MACROD2: variants seen among roughly 807,000 people sequenced by gnomAD.
MACROD2 encodes ADP-ribose glycohydrolase MACROD2.
In MACROD2, 36 loss-of-function variants were observed where a neutral mutation model predicts 70.4. The observed-to-expected ratio is 0.51, with a 90% CI of 0.39 to 0.68. The LOEUF is 0.68. Among genes scored for constraint, MACROD2 ranks in the 30% least tolerant of loss-of-function variants. The pLI is 0.00. For synonymous variants in MACROD2, 172 were observed against 178.8 expected (o/e 0.96, Z 0.30); for missense variants, 496 against 538.4 (o/e 0.92, Z 0.78).
intron 4 of MACROD2, among the ~76,000 whole-genome samples, chr20:14,651,350 C>T (rs1022047604): frequency 6.6e-6 from 1 of 152,102 alleles, no homozygotes; most frequent in African/African-American, 2.4e-5. Context: ...TTGGTGCCTC[C>T]ACAGCATTAG....
At chr20:15,988,189 T>C (rs1044079388) in intron 15 of MACROD2, among the ~76,000 whole-genome samples, 12 of 152,312 alleles carry the variant, frequency 7.9e-5, no homozygotes, top group East Asian at 7.7e-4. Context: ...ATGCCTCTAA[T>C]AAGCTTTTCG....
intron 8 of MACROD2, among the ~76,000 whole-genome samples, chr20:15,679,012 A>G (rs1037676163): frequency 3.9e-5 from 6 of 152,204 alleles, no homozygotes; most frequent in African/African-American, 1.4e-4. Flanking sequence ...TGAGGCAGGC[A>G]GATCACCTGA....
chr20:14,756,849 C>T (rs1191404735), intron 5 of MACROD2, among the ~76,000 whole-genome samples: 1 of 152,064 alleles, frequency 6.6e-6, no homozygotes, highest in Non-Finnish European at 1.5e-5. Context: ...TTCCCCCATA[C>T]TGTTCTCGTG....
intron 5 of MACROD2, among the ~76,000 whole-genome samples, chr20:15,132,136 T>G (rs190512001): frequency 1.3e-5 from 2 of 152,090 alleles, no homozygotes; most frequent in African/African-American, 4.8e-5. Context: ...AAAAACTCAG[T>G]GTATGATAAA....
intron 6 of MACROD2, among the ~76,000 whole-genome samples, chr20:15,419,126 T>C (rs389269): frequency 0.55 from 83,112 of 151,958 alleles, 24,202 homozygotes; most frequent in African/African-American, 0.73. Context: ...TGTGAAGAAG[T>C]GAGAGTGAAA....
intron 3 of MACROD2, among the ~76,000 whole-genome samples, chr20:14,227,258 GAATA>G (rs757419028): frequency 5.9e-5 from 9 of 152,132 alleles, no homozygotes; most frequent in Non-Finnish European, 1.3e-4. Context: ...CCAGATAAGA[GAATA>G]AAAGCAGGCT....
intron 5 of MACROD2, among the ~76,000 whole-genome samples, chr20:15,159,365 C>T (rs1389863274): frequency 1.3e-5 from 2 of 152,042 alleles, no homozygotes; most frequent in East Asian, 3.9e-4. Context: ...ATATGACTCT[C>T]TGGAAATTTT....
At chr20:14,498,087 C>A (rs1002441523) in intron 4 of MACROD2, among the ~76,000 whole-genome samples, 4 of 151,654 alleles carry the variant, frequency 2.6e-5, no homozygotes, top group Non-Finnish European at 4.4e-5. Flanking sequence ...GTTCTACTTG[C>A]AGAGAGGATT....
chr20:14,242,999 C>T (rs1265455838), intron 3 of MACROD2, among the ~76,000 whole-genome samples: 1 of 152,124 alleles, frequency 6.6e-6, no homozygotes, highest in African/African-American at 2.4e-5. Flanking sequence ...CCTTCTTAAA[C>T]TGAAGAAACT....
intron 4 of MACROD2, among the ~76,000 whole-genome samples, chr20:14,557,168 C>T (rs934142236): frequency 4.0e-5 from 6 of 151,868 alleles, no homozygotes; most frequent in African/African-American, 1.2e-4. Flanking sequence ...AACTGGATAT[C>T]CACATGCAAA....
intron 8 of MACROD2, among the ~76,000 whole-genome samples, chr20:15,795,515 G>C (rs149992067): frequency 6.6e-6 from 1 of 152,012 alleles, no homozygotes; most frequent in Non-Finnish European, 1.5e-5. Flanking sequence ...ACTGTTGCCC[G>C]CCATTGTCTG....
chr20:15,090,425 A>G (rs1170643177), intron 5 of MACROD2, among the ~76,000 whole-genome samples: 1 of 152,094 alleles, frequency 6.6e-6, no homozygotes, highest in Non-Finnish European at 1.5e-5. Flanking sequence ...TTGTTTGCCC[A>G]GAGCCTATGT....
At chr20:15,539,937 A>G (rs1201840296) in intron 8 of MACROD2, among the ~76,000 whole-genome samples, 24 of 152,178 alleles carry the variant, frequency 1.6e-4, no homozygotes, top group Non-Finnish European at 2.9e-5. Context: ...GAAGTGAGCC[A>G]AGATCGTGCC....
intron 5 of MACROD2, among the ~76,000 whole-genome samples, chr20:15,160,315 C>A (rs1413943124): frequency 6.6e-6 from 1 of 152,022 alleles, no homozygotes; most frequent in Non-Finnish European, 1.5e-5. Flanking sequence ...GGTGAACTAT[C>A]ATAGCGATTT....
At chr20:14,872,364 G>T (rs1397202471) in intron 5 of MACROD2, among the ~76,000 whole-genome samples, 1 of 152,014 alleles carries the variant, frequency 6.6e-6, no homozygotes, top group African/African-American at 2.4e-5. Flanking sequence ...CTGGTCATAT[G>T]ACCCCTTCTA....
chr20:15,579,495 C>T (rs1371929118), intron 8 of MACROD2, among the ~76,000 whole-genome samples: 1 of 152,166 alleles, frequency 6.6e-6, no homozygotes, highest in Non-Finnish European at 1.5e-5. Flanking sequence ...GAGCTAGGCA[C>T]AGCATTTCAT....
At chr20:15,994,094 A>G (rs1418310412) in intron 15 of MACROD2, among the ~76,000 whole-genome samples, 1 of 152,044 alleles carries the variant, frequency 6.6e-6, no homozygotes, top group Non-Finnish European at 1.5e-5. Context: ...CACCTCACTT[A>G]TTTGTTATTG....
At chr20:15,899,088 A>G (rs7262136) in intron 10 of MACROD2, among the ~76,000 whole-genome samples, 5,622 of 151,924 alleles carry the variant, frequency 0.037, 136 homozygotes, top group Non-Finnish European at 0.055. Flanking sequence ...ATATATCTGT[A>G]GGTGTGTGCT....
chr20:15,778,090 C>T (rs1182825194), intron 8 of MACROD2, among the ~76,000 whole-genome samples: 1 of 152,120 alleles, frequency 6.6e-6, no homozygotes, highest in Admixed American at 6.5e-5. Context: ...CCCACTAACC[C>T]CATGAGGTCA....
Sources: allele counts gnomAD v4.1 joint callset (sites outside exome capture counted in the v4.1 genomes callset), GRCh38; gene constraint gnomAD v4.1.1; transcripts MANE v1.5; gene names NCBI Gene and HGNC (gene_info 2026-07-23, HGNC 2026-07-21).